TYW1: variants seen among roughly 807,000 people sequenced by gnomAD.
The protein encoded by TYW1 is S-adenosyl-L-methionine-dependent tRNA 4-demethylwyosine synthase TYW1.
A neutral mutation model predicts 96.2 loss-of-function variants in TYW1; 46 were observed. The observed-to-expected ratio is 0.48, with a 90% confidence interval of 0.38 to 0.61. The LOEUF (loss-of-function observed/expected upper bound fraction) is 0.61, where lower values mean the gene tolerates loss of function less well. TYW1 is among the 20% of genes least tolerant of loss of function. TYW1 has a pLI of 0.00. For missense variants in TYW1, 684 were observed against 909.6 expected (o/e 0.75, Z 3.19); for synonymous variants, 274 against 323.0 (o/e 0.85, Z 1.63).
chr7:67,076,702 CTGACCTCAGG>C (rs1796218734), intron 10 of TYW1, among the ~76,000 whole-genome samples: 1 of 151,660 alleles, frequency 6.6e-6, no homozygotes, highest in Admixed American at 6.6e-5. Context: ...TCTTGAACTC[CTGACCTCAGG>C]TGATCCGCCT....
chr7:67,164,028 A>T (rs1404213926), intron 13 of TYW1, among the ~76,000 whole-genome samples: 1 of 152,080 alleles, frequency 6.6e-6, no homozygotes, highest in African/African-American at 2.4e-5. Flanking sequence ...ATATCAAGAG[A>T]CTGTTAAACC....
At chr7:67,036,682 G>T (rs1794852837) in intron 7 of TYW1, among the ~76,000 whole-genome samples, 1 of 152,232 alleles carries the variant, frequency 6.6e-6, no homozygotes, top group Admixed American at 6.5e-5. Context: ...TTGCTTGTGG[G>T]TGCCAGCCAG....
At chr7:67,136,849 C>G (rs66744554) in intron 13 of TYW1, among the ~76,000 whole-genome samples, 41,986 of 151,768 alleles carry the variant, frequency 0.28, 6,638 homozygotes, top group African/African-American at 0.44. Flanking sequence ...TTGAGACAGA[C>G]TTTCACTCTG....
chr7:67,041,560 G>A (rs535089620), intron 7 of TYW1, among the ~76,000 whole-genome samples: 2 of 152,162 alleles, frequency 1.3e-5, no homozygotes, highest in Admixed American at 1.3e-4. Flanking sequence ...TCAGCCTCTC[G>A]AAGTGCTGGG....
intron 7 of TYW1, among the ~76,000 whole-genome samples, chr7:67,038,964 C>T (rs953663331): frequency 3.3e-5 from 5 of 152,190 alleles, no homozygotes; most frequent in African/African-American, 1.2e-4. Flanking sequence ...CGGATTTTGG[C>T]TTTGAAGATT....
At chr7:67,160,924 C>T (rs1372396915) in intron 13 of TYW1, among the ~76,000 whole-genome samples, 1 of 152,190 alleles carries the variant, frequency 6.6e-6, no homozygotes, top group African/African-American at 2.4e-5. Flanking sequence ...TGATAAGACA[C>T]AGGGATATTT....
intron 13 of TYW1, among the ~76,000 whole-genome samples, chr7:67,136,936 C>T (rs1340725405): frequency 3.9e-5 from 6 of 152,034 alleles, no homozygotes; most frequent in East Asian, 3.9e-4. Flanking sequence ...AATTCTCCTG[C>T]CTCAGCCTCC....
chr7:67,200,440 C>T (rs192772256), intron 15 of TYW1, among the ~76,000 whole-genome samples: 2 of 152,124 alleles, frequency 1.3e-5, no homozygotes, highest in East Asian at 1.9e-4. Context: ...TGGTGTTAGA[C>T]GAGAGAAAAG....
intron 14 of TYW1, among the ~76,000 whole-genome samples, chr7:67,186,742 G>A (rs1002421464): frequency 1.3e-5 from 2 of 152,032 alleles, no homozygotes; most frequent in Admixed American, 6.5e-5. Flanking sequence ...GTCCTCCTAC[G>A]TTAGCCTCCC....
chr7:67,089,273 A>AAAC (rs1796640897), intron 11 of TYW1: 1 of 1,366,124 alleles, frequency 7.3e-7, no homozygotes, highest in Non-Finnish European at 1.0e-6. Context: ...GGGTGGGGGC[A>AAAC]AACCAGGCTC....
At chr7:67,174,481 A>G (rs1425374090) in intron 13 of TYW1, among the ~76,000 whole-genome samples, 1 of 150,822 alleles carries the variant, frequency 6.6e-6, no homozygotes, top group East Asian at 1.9e-4. Context: ...ATATTTTTCA[A>G]GAGTGAAGGA....
rs1190392946 is a variant in TYW1, at chr7:67,087,686, G to C, written c.1384+4147G>C. Among the ~76,000 whole-genome samples the C allele has an allele frequency of 2.6e-5, 4 of 152,078 alleles. No individual in the cohort carries two copies. In the East Asian group the frequency reaches 7.7e-4, roughly 29 times the overall value. On this transcript the variant is annotated intron_variant, in intron 11 of 15. Coordinates refer to ENST00000359626, the MANE Select transcript of TYW1 (RefSeq NM_018264.4). ...TTAATCAGCAACAAATTTGCTGGAA[G>C]GGTTTTCAGAGTGGAACTGGTTAAT...
chr7:67,112,100 CAAAAAAAAAAAA>C (rs538839042), intron 12 of TYW1, among the ~76,000 whole-genome samples: 34,207 of 95,566 alleles, frequency 0.36, 4,597 homozygotes, highest in South Asian at 0.44. Context: ...CTCTGTCTGA[CAAAAAAAAAAAA>C]AAAAAAAAAA....
intron 12 of TYW1, among the ~76,000 whole-genome samples, chr7:67,106,151 C>G (rs544618159): frequency 3.3e-5 from 5 of 152,296 alleles, no homozygotes; most frequent in African/African-American, 1.2e-4. Flanking sequence ...CCCACCTTGG[C>G]CTCCCAAAGT....
chr7:67,194,023 A>G (rs957907332), intron 14 of TYW1, among the ~76,000 whole-genome samples: 1 of 152,094 alleles, frequency 6.6e-6, no homozygotes, highest in African/African-American at 2.4e-5. Flanking sequence ...GTTAAGATTT[A>G]TTTGAAGAAA....
chr7:67,019,991 G>T (rs530338729), intron 6 of TYW1, among the ~76,000 whole-genome samples: 2 of 152,384 alleles, frequency 1.3e-5, no homozygotes, highest in East Asian at 3.9e-4. Flanking sequence ...TATGACAGAT[G>T]TTTCATTCCA....
At chr7:67,048,450 A>G (rs1002733809) in intron 7 of TYW1, among the ~76,000 whole-genome samples, 4 of 150,996 alleles carry the variant, frequency 2.6e-5, no homozygotes, top group Non-Finnish European at 4.4e-5. Flanking sequence ...TATCTCCCCT[A>G]AAGTGTAACA....
chr7:67,204,924 T>C (rs1291499792), intron 15 of TYW1, among the ~76,000 whole-genome samples: 3 of 152,188 alleles, frequency 2.0e-5, no homozygotes, highest in Admixed American at 6.5e-5. Context: ...AATTGCCCAT[T>C]GAAGCACATT....
intron 13 of TYW1, among the ~76,000 whole-genome samples, chr7:67,144,413 C>T (rs1372169479): frequency 6.6e-6 from 1 of 152,242 alleles, no homozygotes; most frequent in Non-Finnish European, 1.5e-5. Context: ...CTTCCAAATA[C>T]AGGCGTACCC....
Sources: allele counts gnomAD v4.1 joint callset (sites outside exome capture counted in the v4.1 genomes callset), GRCh38; gene constraint gnomAD v4.1.1; transcripts MANE v1.5; gene names NCBI Gene and HGNC (gene_info 2026-07-23, HGNC 2026-07-21).